NFE2: variants seen among roughly 807,000 people sequenced by gnomAD.
NFE2 encodes nuclear factor, erythroid 2, also known as transcription factor NF-E2 45 kDa subunit.
NFE2 carries 13 observed loss-of-function variants against 25.8 expected under a neutral mutation model. That is an observed-to-expected ratio of 0.50 (90% CI 0.33 to 0.80). The LOEUF is 0.80. NFE2 is among the 30% of genes least tolerant of loss of function. The pLI is 0.02. For synonymous variants in NFE2, 204 were observed against 200.2 expected (o/e 1.02, Z -0.16); for missense variants, 382 against 478.9 (o/e 0.80, Z 1.89).
rs770232660 is a variant in NFE2, at chr12:54,292,713, C to G, written c.783G>C (p.Glu261Asp). Residue 261 changes from glutamate (E) to aspartate (D), a missense_variant, in exon 3 of 3, where the codon GAG becomes GAC. By Grantham distance (45) the Glu-to-Asp change is conservative. Coordinates refer to ENST00000435572, the MANE Select transcript of NFE2 (RefSeq NM_001136023.3). ...TGTCCCGGACTAGCGCTAGCTGGCT[C>G]TCTGTCAGCGGGTACCTTGCCAATA... ...NELLARYPLT[E>D]SQLALVRDIR... 1 of 1,614,170 alleles carries G rather than the reference C, an allele frequency of 6.2e-7. No homozygotes were observed. Among genetic ancestry groups the G allele is most frequent in the Non-Finnish European group, 8.5e-7 (1 of 1,179,998 alleles).
At chr12:54,299,235 A>T (rs1286838559) in intron 1 of NFE2, among the ~76,000 whole-genome samples, 1 of 152,142 alleles carries the variant, frequency 6.6e-6, no homozygotes, top group African/African-American at 2.4e-5. Context: ...TACACCAGGC[A>T]TAGGGTCCCT....
At chr12:54,296,409 CA>C (rs372037870) in intron 1 of NFE2, among the ~76,000 whole-genome samples, 44,630 of 87,038 alleles carry the variant, frequency 0.51, 8,730 homozygotes, top group African/African-American at 0.69. Flanking sequence ...GACTATGTCT[CA>C]AAAAAAAAAA....
chr12:54,298,719 C>T (rs773506283), intron 1 of NFE2, among the ~76,000 whole-genome samples: 5 of 151,984 alleles, frequency 3.3e-5, no homozygotes, highest in Non-Finnish European at 7.4e-5. Flanking sequence ...TTCAAATCTA[C>T]TGAATTGAAT....
rs747433280 is a variant in NFE2, at chr12:54,293,213, G to T, written c.283C>A (p.Pro95Thr). Residue 95 changes from proline to threonine, a missense_variant, in exon 3 of 3, where the codon CCC becomes ACC. Physicochemically the swap from Pro to Thr is conservative, Grantham distance 38. Transcript: ENST00000435572. ...GCCATGTTGCCATAGGAGTATGGGG[G>T]ATCTGGGACATGGGATGTGGATGCT... Reference protein sequence around the residue: ...LPASTSHVPDPPYSYGNMAIP... With the variant: ...LPASTSHVPDTPYSYGNMAIP... 4 of 1,604,040 alleles carry T rather than the reference G, an allele frequency of 2.5e-6. No homozygotes were observed. The highest frequency in any genetic ancestry group is 3.4e-5 in the Admixed American group (2 of 59,114).
chr12:54,295,473 C>T (rs1944364461), intron 1 of NFE2, 169 bp from the exon 2 acceptor site: 4 of 487,506 alleles, frequency 8.2e-6, no homozygotes, highest in Non-Finnish European at 1.5e-5. Flanking sequence ...AAAGTCTTTT[C>T]CTGTGTTGTG....
In NFE2 at chr12:54,292,545, C is replaced by T; in HGVS notation, c.951G>A (p.Arg317=). The change falls in exon 3 of 3, where the codon CGG becomes CGA. Residue 317 remains arginine, a synonymous_variant. Transcript: ENST00000435572. ...GCTGTTGGCGCATGACCTCCAGGGT[C>T]CGGTCTGCCTCCCCGCGGGCCCTGA... ...RLLRARGEAD[R]TLEVMRQQLT... is the part of the protein sequence containing the mutation. The T allele has an allele frequency of 6.2e-7, 1 of 1,614,182 alleles. No individual in the cohort carries two copies. Among genetic ancestry groups the T allele is most frequent in the South Asian group, 1.1e-5 (1 of 91,088 alleles).
chr12:54,295,349 C>G (rs1944362869), intron 1 of NFE2, 45 bp from the exon 2 acceptor site: 5 of 924,390 alleles, frequency 5.4e-6, no homozygotes, highest in Non-Finnish European at 8.5e-6. Flanking sequence ...CTGCTAGGGT[C>G]AGCAAGTTTG....
intron 2 of NFE2, among the ~76,000 whole-genome samples, chr12:54,293,939 G>T (rs764031795): frequency 1.3e-5 from 2 of 151,920 alleles, no homozygotes; most frequent in Non-Finnish European, 2.9e-5. Flanking sequence ...GAACAATTAT[G>T]AACTCTCCTT....
At chr12:54,293,449 C>A in intron 2 of NFE2, 68 bp from the exon 3 acceptor site, 1 of 1,367,912 alleles carries the variant, frequency 7.3e-7, no homozygotes, top group South Asian at 2.3e-5. Context: ...CTCTCAGGAA[C>A]AAGCTGGATT....
chr12:54,297,738 A>C (rs1440676957), intron 1 of NFE2: 1 of 151,908 alleles, frequency 6.6e-6, no homozygotes, highest in Non-Finnish European at 1.5e-5. Flanking sequence ...GTATGACCTC[A>C]AATTGCATGA....
chr12:54,298,217 A>C (rs1944390625), intron 1 of NFE2, among the ~76,000 whole-genome samples: 1 of 152,132 alleles, frequency 6.6e-6, no homozygotes, highest in African/African-American at 2.4e-5. Context: ...CACTTAAGAT[A>C]CAAGACCTTG....
chr12:54,292,582 C>T lies in NFE2; in HGVS notation c.914G>A (p.Arg305Gln), dbSNP rs771487917. 1 of 1,614,162 alleles carries T rather than the reference C, an allele frequency of 6.2e-7. No homozygotes were observed. Among genetic ancestry groups the T allele is most frequent in the Non-Finnish European group, 8.5e-7 (1 of 1,180,026 alleles). ...ERELERLTNE[R>Q]ERLLRARGEA... ...CCCGCGGGCCCTGAGAAGCCGCTCC[C>T]GTTCATTGGTCAGCCGCTCCAGCTC... The change falls in exon 3 of 3, where the codon CGG (arginine) becomes CAG (glutamine). Residue 305 changes from arginine (R) to glutamine (Q), a missense_variant. Coordinates refer to ENST00000435572, the MANE Select transcript of NFE2 (RefSeq NM_001136023.3).
intron 2 of NFE2, among the ~76,000 whole-genome samples, chr12:54,294,608 G>A (rs768449951): frequency 6.6e-6 from 1 of 152,108 alleles, no homozygotes; most frequent in African/African-American, 2.4e-5. Context: ...CTACATCAGG[G>A]AGCCACCCTG....
rs757097065 is a variant in NFE2, at chr12:54,292,437, T to C, written c.1059A>G (p.Gln353=). Reference sequence around the variant, plus strand: ...GGAAGATGGTCCCATCGGCAGCCTGTTGCAGCGCGTACTCTTCAGGAGAGT... The same window carrying C: ...GGAAGATGGTCCCATCGGCAGCCTGCTGCAGCGCGTACTCTTCAGGAGAGT... ...NSYSPEEYAL[Q]QAADGTIFLV... The change falls in exon 3 of 3, where the codon CAA becomes CAG. Residue 353 remains glutamine (Q), a synonymous_variant. Transcript: ENST00000435572. The C allele has an allele frequency of 2.5e-6, 4 of 1,614,228 alleles. No homozygotes were observed. In the Admixed American group the frequency reaches 5.0e-5, roughly 20 times the overall value.
chr12:54,293,657 T>C (rs1360799102), intron 2 of NFE2, among the ~76,000 whole-genome samples: 1 of 151,990 alleles, frequency 6.6e-6, no homozygotes, highest in Non-Finnish European at 1.5e-5. Context: ...GAGACCAGCC[T>C]GGACAACATG....
At position 54,292,965 on chromosome 12, in the gene NFE2, T is replaced by C; in HGVS notation, c.531A>G (p.Pro177=). 6.4e-7 allele frequency: 1 copy of C among 1,571,786 alleles called. No homozygotes were observed. The highest frequency in any genetic ancestry group is 8.6e-7 in the Non-Finnish European group (1 of 1,158,002). Residue 177 remains proline (P), a synonymous_variant, in exon 3 of 3, where the codon CCA becomes CCG. Transcript: ENST00000435572. ...GCATGAGTGAGTAGGGGTACTCCAC[T>C]GGGTACATCTCTACATATTCGCTGC... The part of the protein sequence containing the change: ...RRRSEYVEMY[P]VEYPYSLMPN...
At chr12:54,295,919 T>A (rs1376368580) in intron 1 of NFE2, among the ~76,000 whole-genome samples, 1 of 152,180 alleles carries the variant, frequency 6.6e-6, no homozygotes, top group African/African-American at 2.4e-5. Flanking sequence ...GGTTTATCAG[T>A]TGCAGGCAGC....
At position 54,292,839 on chromosome 12, in the gene NFE2, C is replaced by G; in HGVS notation, c.657G>C (p.Arg219=). Residue 219 remains arginine, a synonymous_variant, in exon 3 of 3, where the codon CGG becomes CGC. Coordinates refer to ENST00000435572, the MANE Select transcript of NFE2 (RefSeq NM_001136023.3). The part of the protein sequence containing the change: ...SGPVRAKPTA[R]GEAGSRDERR... The stretch of plus-strand genomic sequence containing the variant: ...GTTCATCCCGACTCCCTGCCTCCCC[C>G]CGTGCAGTGGGCTTAGCCCGCACAG... 1 of 1,614,218 alleles carries G rather than the reference C, an allele frequency of 6.2e-7. No individual in the cohort carries two copies. The highest frequency in any genetic ancestry group is 1.3e-5 in the African/African-American group (1 of 75,066).
chr12:54,294,751 TG>T (rs1565886584), intron 2 of NFE2, among the ~76,000 whole-genome samples: 2 of 152,180 alleles, frequency 1.3e-5, no homozygotes, highest in Non-Finnish European at 2.9e-5. Flanking sequence ...CTCTGTTACC[TG>T]GGGTAAACGG....
Sources: gnomAD v4.1 joint callset for allele counts (sites outside exome capture counted in the v4.1 genomes callset) on GRCh38, gnomAD v4.1.1 for gene constraint, MANE v1.5 for transcripts, NCBI Gene and HGNC (gene_info 2026-07-23, HGNC 2026-07-21) for gene names.